PUS10: variants seen among roughly 807,000 people sequenced by gnomAD.
PUS10 encodes the protein tRNA pseudouridine synthase Pus10.
PUS10 carries 59 observed loss-of-function variants against 75.0 expected under a neutral mutation model. The ratio of observed to expected loss-of-function variants is 0.79; its 90% CI spans 0.64 to 0.98. The LOEUF is 0.98. PUS10 is among the 50% of genes least tolerant of loss of function. The pLI, the probability that PUS10 is intolerant of heterozygous loss-of-function variation, is 0.00. For synonymous variants in PUS10, 219 were observed against 211.6 expected (o/e 1.03, Z -0.30); for missense variants, 650 against 614.4 (o/e 1.06, Z -0.61).
At chr2:60,983,420 T>C (rs1573461478) in intron 4 of PUS10, among the ~76,000 whole-genome samples, 3 of 152,188 alleles carry the variant, frequency 2.0e-5, no homozygotes, top group African/African-American at 7.2e-5. Flanking sequence ...GGCTCACGCC[T>C]GTAATCCCAG....
At chr2:61,001,125 T>C (rs1248380744) in intron 4 of PUS10, among the ~76,000 whole-genome samples, 3 of 152,218 alleles carry the variant, frequency 2.0e-5, no homozygotes, top group African/African-American at 7.2e-5. Flanking sequence ...AGCAGTATAC[T>C]ATCAGTTCCA....
rs539940125 is a variant in PUS10 at position 61,000,845 on chromosome 2, C to CA, written c.468+5711dup. Among the ~76,000 whole-genome samples, 475 of 152,038 alleles carry CA rather than the reference C, an allele frequency of 3.1e-3. 3 individuals are homozygous for CA. Among genetic ancestry groups the CA allele is most frequent in the African/African-American group, 0.011 (441 of 41,480 alleles). On this transcript the variant is annotated intron_variant, in intron 4 of 17. Coordinates refer to ENST00000316752, the MANE Select transcript of PUS10 (RefSeq NM_144709.4). Reference sequence around the variant, plus strand: ...TCATCGCCAAGGTCTGATTTTTCACCAAAAAAATTTGCAATCTCCAGCATA... The same window carrying CA: ...TCATCGCCAAGGTCTGATTTTTCACCAAAAAAAATTTGCAATCTCCAGCATA...
chr2:60,987,433 T>TGA (rs372834796), intron 4 of PUS10, among the ~76,000 whole-genome samples: 1 of 149,206 alleles, frequency 6.7e-6, no homozygotes, highest in East Asian at 2.0e-4. Context: ...ATATAGAAAG[T>TGA]GAGAGAGAGA....
At chr2:60,954,549 A>C (rs1675535057) in intron 12 of PUS10, among the ~76,000 whole-genome samples, 1 of 152,222 alleles carries the variant, frequency 6.6e-6, no homozygotes, top group South Asian at 2.1e-4. Context: ...TGGTTCCATG[A>C]GAGGAAGGAA....
intron 3 of PUS10, among the ~76,000 whole-genome samples, chr2:61,007,073 A>T (rs1679260200): frequency 6.6e-6 from 1 of 152,226 alleles, no homozygotes; most frequent in South Asian, 2.1e-4. Context: ...TCTGTAACTT[A>T]GCTATGTTAA....
intron 4 of PUS10, among the ~76,000 whole-genome samples, chr2:60,991,046 C>G (rs1265436141): frequency 1.3e-5 from 2 of 151,938 alleles, no homozygotes; most frequent in Non-Finnish European, 2.9e-5. Flanking sequence ...CCTGGCCTAA[C>G]ATTTTATTTT....
chr2:60,966,624 C>T (rs1458219955), intron 6 of PUS10: 2 of 152,374 alleles, frequency 1.3e-5, no homozygotes, highest in Middle Eastern at 3.4e-3. Context: ...GCATTAATGA[C>T]TTCTCTAACT....
intron 4 of PUS10, among the ~76,000 whole-genome samples, chr2:60,992,384 T>C (rs2104571877): frequency 6.6e-6 from 1 of 152,266 alleles, no homozygotes; most frequent in East Asian, 1.9e-4. Flanking sequence ...CATTCATGAC[T>C]AGCTACTGAT....
At chr2:60,980,912 G>C (rs1483585254) in intron 4 of PUS10, among the ~76,000 whole-genome samples, 1 of 151,950 alleles carries the variant, frequency 6.6e-6, no homozygotes, top group Non-Finnish European at 1.5e-5. Context: ...TTTTTTATGA[G>C]ACAGAGACTC....
At position 60,942,098 on chromosome 2, in the gene PUS10, T is replaced by C; in HGVS notation, c.*297A>G. On this transcript the variant is annotated 3_prime_UTR_variant, in exon 18 of 18. Transcript: ENST00000316752. ...GTTAACAGAGAATGTGTCCTGTTTG[T>C]GCACCTCTCTAAATGAAAGAATTAA... 1 of 303,284 alleles carries C rather than the reference T, an allele frequency of 3.3e-6. No homozygotes were observed. Among genetic ancestry groups the C allele is most frequent in the Non-Finnish European group, 6.1e-6 (1 of 162,638 alleles). 18.8% of individuals were successfully genotyped at this position (303,284 alleles called of 1,614,324 possible).
At chr2:61,010,252 A>C (rs1478953675) in intron 2 of PUS10, 4 of 153,748 alleles carry the variant, frequency 2.6e-5, no homozygotes, top group African/African-American at 9.6e-5. Flanking sequence ...TTACAGTCAT[A>C]TTGTGTATAA....
chr2:61,016,531 G>A (rs1369802707), intron 1 of PUS10, among the ~76,000 whole-genome samples: 3 of 152,092 alleles, frequency 2.0e-5, no homozygotes, highest in Non-Finnish European at 4.4e-5. Flanking sequence ...TCCAGTGTTG[G>A]TTACCCTCAA....
rs1674667270 is a variant in PUS10 at position 60,942,331 on chromosome 2, A to C, written c.*64T>G. On this transcript the variant is annotated 3_prime_UTR_variant, in exon 18 of 18. Transcript: ENST00000316752. ...GGTGGGTAAACAGCCATTTTACGGC[A>C]TGTGCTCCATGGATGTCCACATCAT... The C allele has an allele frequency of 5.2e-6, 7 of 1,354,448 alleles. No homozygotes were observed. The highest frequency in any genetic ancestry group is 7.4e-6 in the Non-Finnish European group (7 of 943,310). 83.9% of individuals were successfully genotyped at this position (1,354,448 alleles called of 1,614,324 possible). A position where few individuals can be genotyped will look rare whatever the true frequency, so the allele number is the denominator to read the frequency against.
At chr2:61,017,966 C>G in intron 1 of PUS10, 42 bp downstream of exon 1, 1 of 1,341,586 alleles carries the variant, frequency 7.5e-7, no homozygotes, top group Non-Finnish European at 1.0e-6. Flanking sequence ...AACCAATACC[C>G]AACCTTGGGG....
At chr2:60,954,308 T>C in intron 12 of PUS10, 150 bp from the exon 13 acceptor site, 1 of 683,806 alleles carries the variant, frequency 1.5e-6, no homozygotes, top group Non-Finnish European at 2.6e-6. Context: ...GAGGGAAGAA[T>C]GTGTGAGAAG....
At chr2:60,985,904 T>C (rs934557700) in intron 4 of PUS10, among the ~76,000 whole-genome samples, 1 of 130,572 alleles carries the variant, frequency 7.7e-6, no homozygotes, top group Admixed American at 8.8e-5. Context: ...CTCGTAAGAT[T>C]AGAACACTTG....
chr2:60,965,121 T>G lies in PUS10; in HGVS notation c.678-18A>C, dbSNP rs373050612. ...TCGCAGCTCTAAAATAAAATTCAAG[T>G]TAATATAAAAGGTTAATGAGTTTAT... On this transcript the variant is annotated intron_variant, in intron 7 of 17. Transcript: ENST00000316752. 3 of 1,609,270 alleles carry G rather than the reference T, an allele frequency of 1.9e-6. No homozygotes were observed. The highest frequency in any genetic ancestry group is 2.5e-6 in the Non-Finnish European group (3 of 1,176,508).
chr2:61,011,956 A>T, intron 1 of PUS10, 51 bp from the exon 2 acceptor site: 1 of 1,452,042 alleles, frequency 6.9e-7, no homozygotes, highest in Non-Finnish European at 9.3e-7. Context: ...TTTTACTGTC[A>T]CAGACAAGTC....
At chr2:61,006,692 T>C in intron 3 of PUS10, 49 bp from the exon 4 acceptor site, 1 of 1,392,924 alleles carries the variant, frequency 7.2e-7, no homozygotes, top group Non-Finnish European at 1.0e-6. Context: ...GCTGAAAATA[T>C]TACTTACCCT....
Sources: gnomAD v4.1 joint callset for allele counts (sites outside exome capture counted in the v4.1 genomes callset) on GRCh38, gnomAD v4.1.1 for gene constraint, MANE v1.5 for transcripts, NCBI Gene and HGNC (gene_info 2026-07-23, HGNC 2026-07-21) for gene names.